NLK: variants seen among roughly 807,000 people sequenced by gnomAD.
NLK encodes serine/threonine-protein kinase NLK.
In NLK, 11 loss-of-function variants were observed where a neutral mutation model predicts 59.0. The observed-to-expected ratio is 0.19, with a 90% confidence interval of 0.12 to 0.31. NLK has a LOEUF of 0.31. Among genes scored for constraint, NLK ranks in the 10% least tolerant of loss-of-function variants. The probability of loss-of-function intolerance (pLI) is 1.00; values close to 1 mark genes in which losing one functional copy is unlikely to be tolerated. For missense variants in NLK, 410 were observed against 661.1 expected, an observed-to-expected ratio of 0.62 and a Z score of 4.16; for synonymous variants, 235 against 235.9, an observed-to-expected ratio of 1.00 and a Z score of 0.03.
chr17:28,099,605 T>C (rs1291361367), intron 1 of NLK, among the ~76,000 whole-genome samples: 1 of 144,002 alleles, frequency 6.9e-6, no homozygotes, highest in Non-Finnish European at 1.5e-5. Context: ...GGAGTCTTGC[T>C]CTGTCGCCCA....
intron 1 of NLK, among the ~76,000 whole-genome samples, chr17:28,101,669 C>G (rs1904906054): frequency 6.6e-6 from 1 of 152,078 alleles, no homozygotes; most frequent in East Asian, 1.9e-4. Flanking sequence ...TTTATTAGTT[C>G]TAGTAGCTCT....
chr17:28,107,133 A>G (rs776875726), intron 1 of NLK, among the ~76,000 whole-genome samples: 1 of 152,134 alleles, frequency 6.6e-6, no homozygotes, highest in Admixed American at 6.5e-5. Flanking sequence ...TAATATATAT[A>G]TCATAGGAAT....
chr17:28,124,074 C>T (rs575717683), intron 2 of NLK, among the ~76,000 whole-genome samples: 1 of 152,318 alleles, frequency 6.6e-6, no homozygotes, highest in Admixed American at 6.5e-5. Context: ...GAGTACTAAA[C>T]TTACCATATG....
chr17:28,110,267 A>G lies in NLK; in HGVS notation c.459-12336A>G, dbSNP rs79363479. Among the ~76,000 whole-genome samples the G allele has an allele frequency of 4.3e-4, 66 of 152,200 alleles. No individual in the cohort carries two copies. In the East Asian group the frequency reaches 6.6e-3, roughly 15 times the overall value. On this transcript the variant is annotated intron_variant, in intron 1 of 10. Coordinates refer to ENST00000407008, the MANE Select transcript of NLK (RefSeq NM_016231.5). ...TTCATTTGGACTTCATTTTTGAAGG[A>G]TAGGATCTTCTTAGTCTGATATAGA... is the stretch of plus-strand genomic sequence containing the variant.
intron 1 of NLK, among the ~76,000 whole-genome samples, chr17:28,111,896 G>GTGTGGGGT (rs1394476582): frequency 3.0e-5 from 2 of 67,484 alleles, no homozygotes; most frequent in African/African-American, 1.2e-4. Context: ...GTGTGTGTGT[G>GTGTGGGGT]GTGTGTGTGT....
chr17:28,182,172 A>G (rs1908935720), intron 7 of NLK, among the ~76,000 whole-genome samples: 1 of 152,164 alleles, frequency 6.6e-6, no homozygotes, highest in Non-Finnish European at 1.5e-5. Flanking sequence ...ACCTAATCTT[A>G]TCTCTATTAC....
At chr17:28,056,675 C>CA (rs1909455154) in intron 1 of NLK, among the ~76,000 whole-genome samples, 1 of 152,130 alleles carries the variant, frequency 6.6e-6, no homozygotes, top group African/African-American at 2.4e-5. Context: ...TCAGTCTTTT[C>CA]ATGTTATATG....
chr17:28,204,345 A>G, the NLK span, among the ~76,000 whole-genome samples: 5 of 152,168 alleles, frequency 3.3e-5, no homozygotes, highest in Non-Finnish European at 5.9e-5. Context: ...AGGGCCTGGT[A>G]TCTCACTCCC....
At chr17:28,121,688 G>T (rs965796926) in intron 1 of NLK, among the ~76,000 whole-genome samples, 1 of 150,752 alleles carries the variant, frequency 6.6e-6, no homozygotes, top group Non-Finnish European at 1.5e-5. Flanking sequence ...TGGTAGAGAC[G>T]GGGTTTCACC....
At chr17:28,080,218 A>C (rs1251819348) in intron 1 of NLK, among the ~76,000 whole-genome samples, 1 of 152,128 alleles carries the variant, frequency 6.6e-6, no homozygotes, top group Non-Finnish European at 1.5e-5. Flanking sequence ...TTGGGAGGCC[A>C]AGGCAGGAAG....
intron 1 of NLK, among the ~76,000 whole-genome samples, chr17:28,083,474 G>T (rs1910414659): frequency 6.6e-6 from 1 of 152,064 alleles, no homozygotes; most frequent in Non-Finnish European, 1.5e-5. Flanking sequence ...TTAAAATATA[G>T]TGTCTGAGCC....
intron 3 of NLK, 149 bp downstream of exon 3, chr17:28,132,824 C>CTG: frequency 1.5e-6 from 1 of 680,968 alleles, no homozygotes; most frequent in Non-Finnish European, 2.6e-6. Flanking sequence ...TTTTGAAATC[C>CTG]TGTGTGTCTG....
chr17:28,092,266 G>T (rs1904522122), intron 1 of NLK, among the ~76,000 whole-genome samples: 2 of 151,860 alleles, frequency 1.3e-5, no homozygotes, highest in Non-Finnish European at 2.9e-5. Context: ...AGAAAAGGCG[G>T]GGGGGTGGGG....
intron 1 of NLK, among the ~76,000 whole-genome samples, chr17:28,051,225 G>GT (rs1909241518): frequency 1.3e-5 from 2 of 152,268 alleles, no homozygotes; most frequent in South Asian, 4.1e-4. Flanking sequence ...TAAGTATTCA[G>GT]TATTACTTTT....
intron 1 of NLK, among the ~76,000 whole-genome samples, chr17:28,063,691 T>G (rs1398971694): frequency 6.6e-6 from 1 of 152,196 alleles, no homozygotes; most frequent in East Asian, 1.9e-4. Flanking sequence ...CAATTAGTAA[T>G]ATGGAACACC....
the NLK span, among the ~76,000 whole-genome samples, chr17:28,203,903 G>A: frequency 1.9e-4 from 29 of 152,176 alleles, no homozygotes; most frequent in Non-Finnish European, 3.7e-4. Context: ...CCAGGCTGGG[G>A]AATATCAGAG....
At chr17:28,177,663 C>G (rs1908739297) in intron 7 of NLK, among the ~76,000 whole-genome samples, 2 of 152,210 alleles carry the variant, frequency 1.3e-5, no homozygotes, top group Admixed American at 6.5e-5. Flanking sequence ...AACAATCCTT[C>G]TGGAAAGAGC....
chr17:28,168,600 C>A lies in NLK; in HGVS notation c.990C>A (p.Ile330=). The A allele has an allele frequency of 3.1e-6, 5 of 1,613,864 alleles. No homozygotes were observed. The highest frequency in any genetic ancestry group is 4.2e-6 in the Non-Finnish European group (5 of 1,179,828). ...TTGACATCTGGTCTGTGGGATGTATCTTTGCAGAACTACTAGGACGAAGAA... is the reference window on the plus strand; with the variant it reads ...TTGACATCTGGTCTGTGGGATGTATATTTGCAGAACTACTAGGACGAAGAA... ...NAIDIWSVGC[I]FAELLGRRIL... Residue 330 remains isoleucine, a synonymous_variant, in exon 6 of 11, where the codon ATC becomes ATA. Transcript: ENST00000407008.
intron 7 of NLK, among the ~76,000 whole-genome samples, chr17:28,184,090 A>G (rs1311911241): frequency 6.6e-6 from 1 of 152,216 alleles, no homozygotes; most frequent in Non-Finnish European, 1.5e-5. Flanking sequence ...CACAGAAGTC[A>G]GATATGGCCA....
Sources: gnomAD v4.1 joint callset for allele counts (sites outside exome capture counted in the v4.1 genomes callset) on GRCh38, gnomAD v4.1.1 for gene constraint, MANE v1.5 for transcripts, NCBI Gene and HGNC (gene_info 2026-07-23, HGNC 2026-07-21) for gene names.